Variants in BCAP29 observed in about 807,000 individuals in gnomAD.
BCAP29 encodes the protein B-cell receptor-associated protein 29.
Under a neutral mutation model 31.8 loss-of-function variants are expected in BCAP29, and 34 were observed. That is an observed-to-expected ratio of 1.07 (90% CI 0.81 to 1.42). The LOEUF (loss-of-function observed/expected upper bound fraction) is 1.42, where lower values mean the gene tolerates loss of function less well. Ranked by LOEUF, BCAP29 falls within the 40% of genes most tolerant of loss-of-function variation. BCAP29 has a pLI of 0.00. For synonymous variants in BCAP29, 104 were observed against 91.3 expected, an observed-to-expected ratio of 1.14 and a Z score of -0.79; for missense variants, 314 against 269.2, an observed-to-expected ratio of 1.17 and a Z score of -1.16.
chr7:107,598,911 AC>A (rs1810349372), intron 5 of BCAP29, among the ~76,000 whole-genome samples: 1 of 146,068 alleles, frequency 6.8e-6, no homozygotes, highest in Non-Finnish European at 1.5e-5. Flanking sequence ...ACACACACAC[AC>A]ACACACACAC....
chr7:107,614,327 A>G (rs923260118), intron 7 of BCAP29, among the ~76,000 whole-genome samples: 1 of 152,212 alleles, frequency 6.6e-6, no homozygotes, highest in Non-Finnish European at 1.5e-5. Context: ...AGTCAGACCT[A>G]CTTGGAATAC....
rs1334543287 is a variant in BCAP29, at chr7:107,596,835, CTT to C, written c.480+836_480+837del. On this transcript the variant is annotated intron_variant, in intron 5 of 7. Coordinates refer to ENST00000005259, the MANE Select transcript of BCAP29 (RefSeq NM_018844.4). ...CACCTTCCTCAAAATACTTTTGCAA[CTT>C]TTCTCTTGGAATTGTTTTCAGAACC... Among the ~76,000 whole-genome samples, 4 of 152,280 alleles carry C rather than the reference CTT, an allele frequency of 2.6e-5. No individual in the cohort carries two copies. The East Asian group carries it at 7.7e-4, about 29-fold the overall frequency.
chr7:107,599,231 ATATATT>A (rs1810559910), intron 5 of BCAP29, among the ~76,000 whole-genome samples: 1 of 130,602 alleles, frequency 7.7e-6, no homozygotes, highest in East Asian at 2.0e-4. Flanking sequence ...ACATAATTAT[ATATATT>A]TATATATAAA....
chr7:107,608,421 G>C (rs554798759), intron 6 of BCAP29, among the ~76,000 whole-genome samples: 2 of 151,978 alleles, frequency 1.3e-5, no homozygotes, highest in Non-Finnish European at 2.9e-5. Context: ...TCTTTCATTT[G>C]GCTCCTGTGT....
At chr7:107,608,257 CTG>C (rs1812501208) in intron 6 of BCAP29, among the ~76,000 whole-genome samples, 1 of 151,426 alleles carries the variant, frequency 6.6e-6, no homozygotes, top group Non-Finnish European at 1.5e-5. Flanking sequence ...AGCAGAGTAT[CTG>C]TGTAAATTGT....
intron 6 of BCAP29, among the ~76,000 whole-genome samples, chr7:107,600,992 G>GTGC (rs1471486325): frequency 6.6e-6 from 1 of 152,174 alleles, no homozygotes; most frequent in Non-Finnish European, 1.5e-5. Context: ...TGGGATGTCA[G>GTGC]CTAAGAATTT....
chr7:107,622,907 C>T (rs1815093412), downstream of BCAP29: 1 of 152,168 alleles, frequency 6.6e-6, no homozygotes, highest in South Asian at 2.1e-4. Context: ...TCCATTCTTT[C>T]ATTCACCTGT....
downstream of BCAP29, chr7:107,621,805 C>T (rs537974764): frequency 1.2e-5 from 6 of 494,230 alleles, no homozygotes; most frequent in South Asian, 7.4e-5. Context: ...CTACAGATAC[C>T]GATAAAACTG....
At chr7:107,604,386 G>A (rs1811707752) in intron 6 of BCAP29, among the ~76,000 whole-genome samples, 1 of 152,158 alleles carries the variant, frequency 6.6e-6, no homozygotes, top group African/African-American at 2.4e-5. Context: ...CAGGGGAATT[G>A]CTGATCTGTA....
downstream of BCAP29, chr7:107,621,627 T>C (rs1052296858): frequency 1.5e-4 from 69 of 457,538 alleles, 1 homozygote; most frequent in African/African-American, 1.3e-3. Context: ...TATGCTTATA[T>C]AGAAGCAAAG....
intron 6 of BCAP29, among the ~76,000 whole-genome samples, chr7:107,609,390 T>A (rs1014786538): frequency 9.9e-5 from 15 of 152,146 alleles, no homozygotes; most frequent in African/African-American, 3.6e-4. Flanking sequence ...GACAATGGAT[T>A]CAAGTAGACG....
intron 2 of BCAP29, 77 bp downstream of exon 2, chr7:107,580,941 T>A: frequency 8.9e-7 from 1 of 1,119,952 alleles, no homozygotes; most frequent in Non-Finnish European, 1.2e-6. Context: ...TTCTGAACAT[T>A]AAAAAGTTTC....
intron 5 of BCAP29, among the ~76,000 whole-genome samples, chr7:107,598,661 A>C (rs1049198099): frequency 6.6e-6 from 1 of 152,048 alleles, no homozygotes; most frequent in African/African-American, 2.4e-5. Flanking sequence ...ATTTTGATGA[A>C]TATATTGGCT....
At chr7:107,588,949 CAG>C (rs763238752) in intron 3 of BCAP29, among the ~76,000 whole-genome samples, 1 of 152,152 alleles carries the variant, frequency 6.6e-6, no homozygotes, top group Non-Finnish European at 1.5e-5. Flanking sequence ...CAAGGAGAGA[CAG>C]AGTTTGGAGT....
intron 3 of BCAP29, among the ~76,000 whole-genome samples, chr7:107,586,189 C>G (rs1807651060): frequency 6.6e-6 from 1 of 152,100 alleles, no homozygotes; most frequent in African/African-American, 2.4e-5. Context: ...ATTATGGACT[C>G]TGATATTCTG....
At chr7:107,600,588 A>G in intron 6 of BCAP29, 83 bp downstream of exon 6, 1 of 717,956 alleles carries the variant, frequency 1.4e-6, no homozygotes. Flanking sequence ...CTAAAACAAA[A>G]CTAATGCCTA....
intron 6 of BCAP29, among the ~76,000 whole-genome samples, chr7:107,607,776 A>G (rs1167920924): frequency 3.3e-5 from 5 of 151,564 alleles, no homozygotes; most frequent in African/African-American, 4.8e-5. Context: ...AGCAGCTGGG[A>G]TTACAGGCAC....
intron 3 of BCAP29, among the ~76,000 whole-genome samples, chr7:107,587,250 A>G (rs1807866863): frequency 6.6e-6 from 1 of 152,214 alleles, no homozygotes; most frequent in Non-Finnish European, 1.5e-5. Flanking sequence ...CAGGTGGTTT[A>G]TAGAAAATTG....
intron 4 of BCAP29, among the ~76,000 whole-genome samples, chr7:107,594,489 TTTTGTTTG>T (rs71134271): frequency 0.043 from 6,489 of 149,576 alleles, 170 homozygotes; most frequent in Middle Eastern, 0.076. Flanking sequence ...CCTACTGTAG[TTTTGTTTG>T]TTTGTTTGTT....
Sources: gnomAD v4.1 joint callset for allele counts (sites outside exome capture counted in the v4.1 genomes callset) on GRCh38, gnomAD v4.1.1 for gene constraint, MANE v1.5 for transcripts, NCBI Gene and HGNC (gene_info 2026-07-23, HGNC 2026-07-21) for gene names.